TRHDE: variants seen among roughly 807,000 people sequenced by gnomAD.
TRHDE encodes the protein thyrotropin-releasing hormone-degrading ectoenzyme.
In TRHDE, 72 loss-of-function variants were observed where a neutral mutation model predicts 125.7. That is an observed-to-expected ratio of 0.57 (90% CI 0.47 to 0.70). The LOEUF (loss-of-function observed/expected upper bound fraction) is 0.70, where lower values mean the gene tolerates loss of function less well. Among genes scored for constraint, TRHDE ranks in the 30% least tolerant of loss-of-function variants. The pLI is 0.00. For synonymous variants in TRHDE, 509 were observed against 509.1 expected (o/e 1.00, Z 0.00); for missense variants, 1,110 against 1,327.1 (o/e 0.84, Z 2.54).
intron 2 of TRHDE, among the ~76,000 whole-genome samples, chr12:72,185,389 G>A (rs1324423197): frequency 1.3e-5 from 2 of 152,220 alleles, no homozygotes; most frequent in Non-Finnish European, 2.9e-5. Flanking sequence ...CCTGCTCCAC[G>A]GCGCCCAGTC....
At chr12:72,093,325 T>G (rs1874835393) in intron 1 of TRHDE, among the ~76,000 whole-genome samples, 1 of 152,224 alleles carries the variant, frequency 6.6e-6, no homozygotes, top group Non-Finnish European at 1.5e-5. Context: ...TAATACTGCT[T>G]TGAGTCCTTT....
chr12:72,272,554 G>T lies in TRHDE; in HGVS notation c.-90G>T. 1.7e-6 allele frequency: 1 copy of T among 586,816 alleles called. No homozygotes were observed. The highest frequency in any genetic ancestry group is 3.0e-6 in the Non-Finnish European group (1 of 338,032). The allele number at this position is 586,816 out of a possible 1,614,324, so 36.4% of individuals were successfully genotyped here. ...CCAGTCGCGCGCCCTCGGCCCGCGT[G>T]AGCTCTCCGATGCCTGCTCTGGCTG... On this transcript the variant is annotated 5_prime_UTR_variant, in exon 1 of 19. Coordinates refer to ENST00000261180, the MANE Select transcript of TRHDE (RefSeq NM_013381.3). The surrounding 1 kb of genome is among the most constrained non-coding windows in gnomAD (Gnocchi z 6.7).
In TRHDE at chr12:72,272,544, C is replaced by T; in HGVS notation, c.-100C>T. ...GCCAGCATCCCCAGTCGCGCGCCCT[C>T]GGCCCGCGTGAGCTCTCCGATGCCT... is the stretch of plus-strand genomic sequence containing the variant. On this transcript the variant is annotated 5_prime_UTR_variant, in exon 1 of 19. Transcript: ENST00000261180. This position sits in a 1 kb window ranked among gnomAD's most constrained non-coding sequence, Gnocchi z 6.7. The T allele has an allele frequency of 1.7e-6, 1 of 574,630 alleles. No individual in the cohort carries two copies. The highest frequency in any genetic ancestry group is 3.0e-6 in the Non-Finnish European group (1 of 328,680). 35.6% of individuals were successfully genotyped at this position (574,630 alleles called of 1,614,324 possible).
At chr12:72,512,761 G>A (rs1878664025) in intron 6 of TRHDE, among the ~76,000 whole-genome samples, 1 of 149,990 alleles carries the variant, frequency 6.7e-6, no homozygotes, top group Non-Finnish European at 1.5e-5. Context: ...TAAATAAGCA[G>A]GCAACTATAA....
chr12:72,281,574 T>A (rs1018437548), intron 1 of TRHDE, among the ~76,000 whole-genome samples: 3 of 152,186 alleles, frequency 2.0e-5, no homozygotes, highest in Non-Finnish European at 2.9e-5. Context: ...TGCAGAGATG[T>A]GGCCAAAAAG....
chr12:72,182,587 T>A (rs975433893), intron 2 of TRHDE, among the ~76,000 whole-genome samples: 2 of 152,108 alleles, frequency 1.3e-5, no homozygotes, highest in Admixed American at 6.5e-5. Flanking sequence ...CCTCCCCTTA[T>A]CCACTCCTGC....
chr12:72,286,921 A>G lies in TRHDE; in HGVS notation c.1155A>G (p.Thr385=), dbSNP rs1194170072. 3 of 1,613,984 alleles carry G rather than the reference A, an allele frequency of 1.9e-6. No homozygotes were observed. Among genetic ancestry groups the G allele is most frequent in the Non-Finnish European group, 2.5e-6 (3 of 1,179,966 alleles). The part of the protein sequence containing the change: ...YYLAWAICNF[T]YRETTTKSGV... ...TAGCCTGGGCAATTTGCAACTTCAC[A>G]TACAGAGAAACTACCACCAAGAGTG... The change falls in exon 2 of 19, where the codon ACA becomes ACG. Residue 385 remains threonine, a synonymous_variant. Coordinates refer to ENST00000261180, the MANE Select transcript of TRHDE (RefSeq NM_013381.3).
chr12:72,342,200 A>G (rs929267099), intron 2 of TRHDE, among the ~76,000 whole-genome samples: 52 of 152,152 alleles, frequency 3.4e-4, no homozygotes, highest in African/African-American at 1.3e-3. Context: ...TTATCATTAC[A>G]CAATAACCTA....
At chr12:72,425,250 G>A (rs749000631) in intron 3 of TRHDE, among the ~76,000 whole-genome samples, 9 of 152,162 alleles carry the variant, frequency 5.9e-5, no homozygotes, top group East Asian at 1.9e-4. Flanking sequence ...AAACTATAGC[G>A]GATTGGTTTT....
At chr12:72,179,539 A>G (rs768478101) in intron 2 of TRHDE, among the ~76,000 whole-genome samples, 19 of 151,964 alleles carry the variant, frequency 1.3e-4, no homozygotes, top group Admixed American at 2.6e-4. Context: ...TGGCATCCCT[A>G]CTTCCCCATT....
intron 5 of TRHDE, among the ~76,000 whole-genome samples, chr12:72,494,068 G>T (rs918137410): frequency 2.0e-5 from 3 of 152,104 alleles, no homozygotes; most frequent in East Asian, 3.9e-4. Flanking sequence ...CTGAGATATA[G>T]CAGGTGCTTA....
chr12:72,369,121 A>C (rs932340197), intron 2 of TRHDE, among the ~76,000 whole-genome samples: 1 of 152,164 alleles, frequency 6.6e-6, no homozygotes, highest in Non-Finnish European at 1.5e-5. Context: ...CTTAAAATCT[A>C]TAAAGAGATG....
intron 2 of TRHDE, among the ~76,000 whole-genome samples, chr12:72,238,317 T>TATATATATAC (rs1878394105): frequency 3.2e-5 from 1 of 31,540 alleles, no homozygotes; most frequent in Non-Finnish European, 6.9e-5. Context: ...TATATATATA[T>TATATATATAC]ATATACATAT....
At chr12:72,584,388 A>T (rs1327818854) in intron 12 of TRHDE, among the ~76,000 whole-genome samples, 1 of 152,102 alleles carries the variant, frequency 6.6e-6, no homozygotes, top group Non-Finnish European at 1.5e-5. Context: ...ATGATCTTAC[A>T]TTATTTTTGT....
intron 1 of TRHDE, among the ~76,000 whole-genome samples, chr12:72,098,393 T>C (rs1874987330): frequency 1.3e-5 from 2 of 152,122 alleles, no homozygotes; most frequent in Non-Finnish European, 2.9e-5. Flanking sequence ...ATTGATGCAG[T>C]CAATCTGGAT....
At chr12:72,153,676 G>T (rs1483921397) in intron 2 of TRHDE, among the ~76,000 whole-genome samples, 1 of 152,038 alleles carries the variant, frequency 6.6e-6, no homozygotes, top group Non-Finnish European at 1.5e-5. Flanking sequence ...TCAGGAGCAG[G>T]TTGTTCAGTT....
At chr12:72,604,376 T>C (rs1421142596) in intron 12 of TRHDE, among the ~76,000 whole-genome samples, 1 of 152,120 alleles carries the variant, frequency 6.6e-6, no homozygotes, top group Non-Finnish European at 1.5e-5. Context: ...TATCTAAAAC[T>C]GTCAATTTTG....
chr12:72,594,484 C>G (rs1433445304), intron 12 of TRHDE, among the ~76,000 whole-genome samples: 3 of 146,242 alleles, frequency 2.1e-5, no homozygotes, highest in Non-Finnish European at 4.4e-5. Context: ...TCCTAAAGCT[C>G]TGGGATTACA....
intron 2 of TRHDE, among the ~76,000 whole-genome samples, chr12:72,142,878 T>G (rs570113188): frequency 6.6e-6 from 1 of 152,200 alleles, no homozygotes; most frequent in South Asian, 2.1e-4. Flanking sequence ...CACTCCCCTT[T>G]CCAGCTCCCC....
Sources: allele counts gnomAD v4.1 joint callset (sites outside exome capture counted in the v4.1 genomes callset), GRCh38; gene constraint gnomAD v4.1.1; non-coding constraint Gnocchi (gnomAD v3.1); transcripts MANE v1.5; gene names NCBI Gene and HGNC (gene_info 2026-07-23, HGNC 2026-07-21).